MXRA8: variants seen among roughly 807,000 people sequenced by gnomAD.
The protein encoded by MXRA8 is matrix remodeling associated 8, also known as matrix remodeling-associated protein 8.
Under a neutral mutation model 51.4 loss-of-function variants are expected in MXRA8, and 44 were observed. The observed-to-expected ratio is 0.86, with a 90% confidence interval of 0.67 to 1.10. MXRA8 has a LOEUF of 1.10. MXRA8 is among the 50% of genes least tolerant of loss of function. The probability of loss-of-function intolerance (pLI) is 0.00; values close to 1 mark genes in which losing one functional copy is unlikely to be tolerated. For missense variants in MXRA8, 765 were observed against 638.9 expected (o/e 1.20, Z -2.13); for synonymous variants, 369 against 293.5 (o/e 1.26, Z -2.63).
At chr1:1,354,592 C>T (rs1644079088) in intron 5 of MXRA8, 83 bp from the exon 6 acceptor site, 27 of 1,557,054 alleles carry the variant, frequency 1.7e-5, no homozygotes, top group East Asian at 2.3e-5. Context: ...CGCTGGGATC[C>T]GCGGGCCTCG....
In MXRA8 at chr1:1,353,801, G is replaced by A. The variant is rs765820690; in HGVS notation, c.1303+47C>T. 2.6e-6 allele frequency: 4 copies of A among 1,526,300 alleles called. No homozygotes were observed. The African/African-American group carries it at 4.1e-5, about 16-fold the overall frequency. 94.5% of individuals were successfully genotyped at this position (1,526,300 alleles called of 1,614,324 possible). The stretch of plus-strand genomic sequence containing the variant: ...GTTGGTCCCAGGTGAGGTGGAATGG[G>A]GACAGGCAGGGCTCTGAGATGGGCT... On this transcript the variant is annotated intron_variant, in intron 9 of 9. Coordinates refer to ENST00000309212, the MANE Select transcript of MXRA8 (RefSeq NM_032348.4).
upstream of MXRA8, among the ~76,000 whole-genome samples, chr1:1,363,205 C>A (rs1301011238): frequency 6.6e-6 from 1 of 152,126 alleles, no homozygotes. Context: ...ACTGCTTGAA[C>A]CTGGGAGGCA....
chr1:1,356,384 G>T (rs982421739), intron 2 of MXRA8, among the ~76,000 whole-genome samples: 1 of 128,720 alleles, frequency 7.8e-6, no homozygotes, highest in Non-Finnish European at 1.7e-5. Context: ...CGAAGGCCCT[G>T]GTTGGGGAAG....
chr1:1,356,781 G>A (rs1486765858), intron 1 of MXRA8, 77 bp from the exon 2 acceptor site: 1 of 1,261,462 alleles, frequency 7.9e-7, no homozygotes, highest in Non-Finnish European at 1.0e-6. Context: ...GGCCCCCAGA[G>A]TCCCTCCTGT....
rs747787015 is a variant in MXRA8, at chr1:1,355,416, C to T, written c.376+34G>A. On this transcript the variant is annotated intron_variant, in intron 3 of 9. Transcript: ENST00000309212. ...GACCCCGCGGCCCCGGACCCCTGCC[C>T]CGACCCCGCGGCCCCGGTCCCCGGT... 8.4e-4 allele frequency: 1,257 copies of T among 1,492,020 alleles called. 1 individual carries two copies. Among genetic ancestry groups the T allele is most frequent in the Non-Finnish European group, 1.1e-3 (1,203 of 1,128,406 alleles). 92.4% of individuals were successfully genotyped at this position (1,492,020 alleles called of 1,614,324 possible). A position where few individuals can be genotyped will look rare whatever the true frequency, so the allele number is the denominator to read the frequency against.
chr1:1,353,767 C>G (rs370392849), intron 9 of MXRA8, 81 bp downstream of exon 9: 1 of 1,480,512 alleles, frequency 6.8e-7, no homozygotes, highest in Non-Finnish European at 9.1e-7. Flanking sequence ...CTGGCTGGTG[C>G]CTGCCATCGT....
Position 1,353,126 on chromosome 1 carries a change from C to T in MXRA8, c.*478G>A. ...CAGCACCCCAGGAGGAGTGGGACTC[C>T]TGCCGAGGCTGACCCCAACTTCAAG... On this transcript the variant is annotated 3_prime_UTR_variant, in exon 10 of 10. Coordinates refer to ENST00000309212, the MANE Select transcript of MXRA8 (RefSeq NM_032348.4). 1.3e-6 allele frequency: 1 copy of T among 748,050 alleles called. No homozygotes were observed. Among genetic ancestry groups the T allele is most frequent in the South Asian group, 1.6e-5 (1 of 64,282 alleles). 46.3% of individuals were successfully genotyped at this position (748,050 alleles called of 1,614,324 possible). A position where few individuals can be genotyped will look rare whatever the true frequency, so the allele number is the denominator to read the frequency against.
chr1:1,361,532 T>G, upstream of MXRA8: 1 of 536,282 alleles, frequency 1.9e-6, no homozygotes. Flanking sequence ...GGACGCGGCT[T>G]CCAGGCGCAG....
chr1:1,356,160 C>A (rs1480616807), intron 2 of MXRA8, among the ~76,000 whole-genome samples: 1 of 89,046 alleles, frequency 1.1e-5, no homozygotes, highest in East Asian at 3.4e-4. Flanking sequence ...GAGGGGCATG[C>A]CCCCTAGGGC....
upstream of MXRA8, among the ~76,000 whole-genome samples, chr1:1,360,903 C>T (rs996494017): frequency 1.5e-5 from 2 of 133,652 alleles, no homozygotes; most frequent in Non-Finnish European, 3.1e-5. Flanking sequence ...CACAGAGATA[C>T]ACACGCATGC....
upstream of MXRA8, chr1:1,358,579 C>T (rs962066831): frequency 7.1e-6 from 11 of 1,550,770 alleles, no homozygotes; most frequent in South Asian, 1.2e-5. Flanking sequence ...TACCCCCTCC[C>T]CCTCCTTAGC....
chr1:1,363,153 T>C (rs4596826), upstream of MXRA8, among the ~76,000 whole-genome samples: 3 of 151,454 alleles, frequency 2.0e-5, no homozygotes, highest in Admixed American at 2.0e-4. Flanking sequence ...TGTGGTGGTG[T>C]GCACCTGTAG....
chr1:1,354,780 C>A lies in MXRA8; in HGVS notation c.851G>T (p.Arg284Leu). Reference sequence around the variant, plus strand: ...GGCGACCGTCAGGTGGAAGACGCGGCGTTCGTGCAGGCCACAGTAATGGTG... The same window carrying A: ...GGCGACCGTCAGGTGGAAGACGCGGAGTTCGTGCAGGCCACAGTAATGGTG... Reference protein sequence around the residue: ...LHHHYCGLHERRVFHLTVAEP... With the variant: ...LHHHYCGLHELRVFHLTVAEP... The change falls in exon 5 of 10, where the codon CGC becomes CTC. Residue 284 changes from arginine to leucine, a missense_variant. Transcript: ENST00000309212. 1 of 1,612,002 alleles carries A rather than the reference C, an allele frequency of 6.2e-7. No homozygotes were observed. Among genetic ancestry groups the A allele is most frequent in the Non-Finnish European group, 8.5e-7 (1 of 1,179,614 alleles).
chr1:1,359,110 G>A (rs542071977), upstream of MXRA8: 2 of 985,428 alleles, frequency 2.0e-6, no homozygotes, highest in East Asian at 1.1e-4. Flanking sequence ...CTTGGGCCAG[G>A]ATGATGGACG....
Position 1,355,708 on chromosome 1 carries a change from A to C in MXRA8, c.118T>G (p.Ser40Ala). ...AAAGSSVVSE[S>A]AVSWEAGARA... is the part of the protein sequence containing the mutation. ...GCGCCCGCCTCCCAGCTCACCGCGGACTCGGACACCACGGAGCTGCCAGCA... is the reference window on the plus strand; with the variant it reads ...GCGCCCGCCTCCCAGCTCACCGCGGCCTCGGACACCACGGAGCTGCCAGCA... The change falls in exon 3 of 10, where the codon TCC becomes GCC. Residue 40 changes from serine to alanine, a missense_variant. Ser to Ala is a moderately conservative substitution (Grantham distance 99). Transcript: ENST00000309212. 1 of 1,324,040 alleles carries C rather than the reference A, an allele frequency of 7.6e-7. No homozygotes were observed. 82.0% of individuals were successfully genotyped at this position (1,324,040 alleles called of 1,614,324 possible). A position where few individuals can be genotyped will look rare whatever the true frequency, so the allele number is the denominator to read the frequency against.
At chr1:1,360,343 A>AGGC (rs1256900939), upstream of MXRA8, among the ~76,000 whole-genome samples, 3 of 152,198 alleles carry the variant, frequency 2.0e-5, no homozygotes, top group Non-Finnish European at 4.4e-5. Flanking sequence ...TGAGGCCATC[A>AGGC]GGCCCCTTCC....
chr1:1,353,414 G>A lies in MXRA8; in HGVS notation c.*190C>T, dbSNP rs1168808545. On this transcript the variant is annotated 3_prime_UTR_variant, in exon 10 of 10. Transcript: ENST00000309212. Reference sequence around the variant, plus strand: ...ACCCGTGAGCAAAGGCCGCAGGGGTGGGGGCTATGCTGCCACCAAGCCCCT... The same window carrying A: ...ACCCGTGAGCAAAGGCCGCAGGGGTAGGGGCTATGCTGCCACCAAGCCCCT... The A allele has an allele frequency of 6.5e-7, 1 of 1,528,126 alleles. No individual in the cohort carries two copies. Among genetic ancestry groups the A allele is most frequent in the Non-Finnish European group, 8.8e-7 (1 of 1,134,602 alleles). The allele number at this position is 1,528,126 out of a possible 1,614,324, so 94.7% of individuals were successfully genotyped here.
chr1:1,353,025 A>G lies in MXRA8; in HGVS notation c.*579T>C. 1.8e-6 allele frequency: 1 copy of G among 560,078 alleles called. No homozygotes were observed. The highest frequency in any genetic ancestry group is 3.1e-5 in the East Asian group (1 of 32,036). The allele number at this position is 560,078 out of a possible 1,614,324, so 34.7% of individuals were successfully genotyped here. ...AGGAGCAAGGGCTGGCATTCAAGTC[A>G]GCAGGTCCCTGGGGAGAACAGATGG... is the stretch of plus-strand genomic sequence containing the variant. On this transcript the variant is annotated 3_prime_UTR_variant, in exon 10 of 10. Transcript: ENST00000309212.
Position 1,355,099 on chromosome 1 carries a change from G to T in MXRA8, c.532C>A (p.Arg178Ser). 6.5e-7 allele frequency: 1 copy of T among 1,538,708 alleles called. No individual in the cohort carries two copies. The highest frequency in any genetic ancestry group is 1.4e-5 in the African/African-American group (1 of 69,360). Reference protein sequence around the residue: ...DGEKEVLAVARGAPALLTCVN... With the variant: ...DGEKEVLAVASGAPALLTCVN... ...CAGGTCAGAAGCGCGGGTGCGCCGC[G>T]CGCCACCGCCAGCACCTCCTTCTCG... The change falls in exon 5 of 10, where the codon CGC becomes AGC. Residue 178 changes from arginine to serine, a missense_variant. Transcript: ENST00000309212.
Sources: allele counts gnomAD v4.1 joint callset (sites outside exome capture counted in the v4.1 genomes callset), GRCh38; gene constraint gnomAD v4.1.1; transcripts MANE v1.5; gene names NCBI Gene and HGNC (gene_info 2026-07-23, HGNC 2026-07-21).